SUMF1: variants seen among roughly 807,000 people sequenced by gnomAD.
SUMF1 encodes sulfatase modifying factor 1.
A neutral mutation model predicts 47.6 loss-of-function variants in SUMF1; 48 were observed. The observed-to-expected ratio is 1.01, with a 90% CI of 0.80 to 1.28. SUMF1 has a LOEUF of 1.28. Ranked by LOEUF, SUMF1 falls within the 50% of genes most tolerant of loss-of-function variation. The pLI is 0.00. For synonymous variants in SUMF1, 230 were observed against 192.1 expected (o/e 1.20, Z -1.63); for missense variants, 571 against 485.4 (o/e 1.18, Z -1.66).
At chr3:4,252,249 C>T (rs1216307406) in intron 8 of SUMF1, among the ~76,000 whole-genome samples, 2 of 152,078 alleles carry the variant, frequency 1.3e-5, no homozygotes, top group Non-Finnish European at 1.5e-5. Context: ...CCATGAGCTA[C>T]ATAAGTGTCA....
intron 8 of SUMF1, among the ~76,000 whole-genome samples, chr3:4,136,453 C>T (rs1459272793): frequency 6.6e-6 from 1 of 151,958 alleles, no homozygotes; most frequent in Admixed American, 6.6e-5. Flanking sequence ...TTCCTCACAC[C>T]TTATACAAAA....
In SUMF1 at chr3:4,448,075, C is replaced by T. The variant is rs752971168; in HGVS notation, c.519+1191G>A. Among the ~76,000 whole-genome samples the T allele has an allele frequency of 5.1e-4, 77 of 151,930 alleles. 1 individual carries two copies. Among genetic ancestry groups the T allele is most frequent in the Non-Finnish European group, 1.0e-4 (7 of 67,992 alleles). On this transcript the variant is annotated intron_variant, in intron 3 of 8. Transcript: ENST00000272902. ...TAGGGCGGAGGGGAATATCAGATTA[C>T]ATATTAGACTTATAAACTTGTAAGG...
At chr3:4,309,552 C>T (rs576962296) in intron 8 of SUMF1, among the ~76,000 whole-genome samples, 54 of 152,190 alleles carry the variant, frequency 3.5e-4, no homozygotes, top group Non-Finnish European at 7.1e-4. Context: ...CAGAAAAGTC[C>T]AAGTGGTAAC....
At chr3:4,312,785 G>T in intron 8 of SUMF1, 1 of 1,232,010 alleles carries the variant, frequency 8.1e-7, no homozygotes, top group Non-Finnish European at 1.1e-6. Context: ...TGACAGTTTT[G>T]TCCTGTTTTT....
At chr3:4,178,415 A>AT (rs1232533499) in intron 8 of SUMF1, among the ~76,000 whole-genome samples, 1 of 152,160 alleles carries the variant, frequency 6.6e-6, no homozygotes, top group Admixed American at 6.5e-5. Flanking sequence ...GTAATCCATC[A>AT]ATAAACAGAA....
intron 8 of SUMF1, among the ~76,000 whole-genome samples, chr3:4,286,931 A>G (rs1165931356): frequency 6.6e-6 from 1 of 152,168 alleles, no homozygotes; most frequent in Non-Finnish European, 1.5e-5. Flanking sequence ...ATCTATTGCA[A>G]TGTTCTCAAA....
chr3:4,181,583 T>A (rs1486265230), intron 8 of SUMF1, among the ~76,000 whole-genome samples: 1 of 152,128 alleles, frequency 6.6e-6, no homozygotes, highest in Non-Finnish European at 1.5e-5. Flanking sequence ...TCAGTTGCTT[T>A]GCTTGTAAAG....
At chr3:4,427,498 G>C (rs1029347596) in intron 3 of SUMF1, among the ~76,000 whole-genome samples, 1 of 152,174 alleles carries the variant, frequency 6.6e-6, no homozygotes, top group Non-Finnish European at 1.5e-5. Flanking sequence ...AATGAGGCTT[G>C]AATAAAGGCT....
intron 8 of SUMF1, among the ~76,000 whole-genome samples, chr3:4,188,529 G>A (rs937015496): frequency 6.6e-6 from 1 of 152,026 alleles, no homozygotes; most frequent in Non-Finnish European, 1.5e-5. Flanking sequence ...CTCATCCAGG[G>A]CAGAACTCTG....
intron 8 of SUMF1, among the ~76,000 whole-genome samples, chr3:4,074,579 T>C (rs1402620011): frequency 1.3e-5 from 2 of 151,540 alleles, no homozygotes; most frequent in South Asian, 2.1e-4. Flanking sequence ...ATCAACAAAA[T>C]AGATAAACCA....
intron 8 of SUMF1, among the ~76,000 whole-genome samples, chr3:4,183,676 C>A (rs977133434): frequency 6.6e-6 from 1 of 152,090 alleles, no homozygotes. Context: ...CATGGAAAAA[C>A]TGAACAACAC....
chr3:4,265,005 T>C (rs1004232798), intron 8 of SUMF1, among the ~76,000 whole-genome samples: 12 of 151,986 alleles, frequency 7.9e-5, no homozygotes, highest in Admixed American at 1.3e-4. Flanking sequence ...TGGTGGCGCA[T>C]GCCTGTAATC....
At chr3:4,121,513 A>G (rs1332607926) in intron 8 of SUMF1, among the ~76,000 whole-genome samples, 1 of 152,054 alleles carries the variant, frequency 6.6e-6, no homozygotes, top group Non-Finnish European at 1.5e-5. Context: ...CTTAAGGTAG[A>G]CCTTCTTTTT....
intron 8 of SUMF1, among the ~76,000 whole-genome samples, chr3:4,308,801 C>A (rs1698292250): frequency 6.6e-6 from 1 of 152,206 alleles, no homozygotes. Flanking sequence ...CATCTTTGTT[C>A]ATTGACCATT....
At chr3:4,093,796 G>T (rs1692841263) in intron 8 of SUMF1, among the ~76,000 whole-genome samples, 1 of 151,956 alleles carries the variant, frequency 6.6e-6, no homozygotes. Flanking sequence ...AAGGCAAGGT[G>T]GAATATGTAA....
chr3:4,044,802 T>C (rs545658864), intron 9 of SUMF1, among the ~76,000 whole-genome samples: 6 of 152,370 alleles, frequency 3.9e-5, no homozygotes, highest in Admixed American at 2.0e-4. Context: ...TTGCAGGCAA[T>C]AACTTTCTTC....
At chr3:4,330,537 G>C (rs1699029288) in intron 8 of SUMF1, among the ~76,000 whole-genome samples, 1 of 152,140 alleles carries the variant, frequency 6.6e-6, no homozygotes, top group Non-Finnish European at 1.5e-5. Context: ...ATTGCCACAA[G>C]AACAGTATGG....
At chr3:4,041,056 C>T (rs1236626107) in intron 9 of SUMF1, among the ~76,000 whole-genome samples, 1 of 152,098 alleles carries the variant, frequency 6.6e-6, no homozygotes, top group African/African-American at 2.4e-5. Context: ...TCAATCAATG[C>T]AACCATTCTT....
At chr3:4,438,994 T>C (rs1177349200) in intron 3 of SUMF1, among the ~76,000 whole-genome samples, 2 of 152,216 alleles carry the variant, frequency 1.3e-5, no homozygotes, top group East Asian at 1.9e-4. Context: ...GACCAAATGA[T>C]AGCAAAATAG....
Sources: allele counts gnomAD v4.1 joint callset (sites outside exome capture counted in the v4.1 genomes callset), GRCh38; gene constraint gnomAD v4.1.1; transcripts MANE v1.5; gene names NCBI Gene and HGNC (gene_info 2026-07-23, HGNC 2026-07-21).